Variants in ATP6V0A1 observed in about 807,000 individuals in gnomAD.
The protein encoded by ATP6V0A1 is ATPase H+ transporting V0 subunit a1.
In ATP6V0A1, 43 loss-of-function variants were observed where a neutral mutation model predicts 105.4. The ratio of observed to expected loss-of-function variants is 0.41; its 90% confidence interval spans 0.32 to 0.53. The LOEUF is 0.53. Ranked by LOEUF, ATP6V0A1 falls within the 20% of genes least tolerant of loss-of-function variation. The pLI is 0.30. For missense variants in ATP6V0A1, 676 were observed against 1,051.1 expected (o/e 0.64, Z 4.93); for synonymous variants, 362 against 372.8 (o/e 0.97, Z 0.33).
intron 2 of ATP6V0A1, 81 bp downstream of exon 2, chr17:42,461,092 GT>G: frequency 8.2e-7 from 1 of 1,224,606 alleles, no homozygotes; most frequent in Non-Finnish European, 1.2e-6. Context: ...TGAATGTTTT[GT>G]TTTTTATTTG....
At chr17:42,516,163 C>T (rs996981458) in intron 21 of ATP6V0A1, among the ~76,000 whole-genome samples, 2 of 152,196 alleles carry the variant, frequency 1.3e-5, no homozygotes, top group African/African-American at 4.8e-5. Flanking sequence ...TGTCTCTCTT[C>T]GTTCTCAAAA....
At chr17:42,460,058 G>A (rs2086227537) in intron 1 of ATP6V0A1, 1 of 152,158 alleles carries the variant, frequency 6.6e-6, no homozygotes, top group Non-Finnish European at 1.5e-5. Flanking sequence ...GCACTAAAAC[G>A]AAACCTTTAT....
intron 14 of ATP6V0A1, among the ~76,000 whole-genome samples, chr17:42,497,566 C>T (rs1473056603): frequency 6.0e-5 from 9 of 148,980 alleles, no homozygotes; most frequent in East Asian, 2.0e-4. Flanking sequence ...TCCAGCTACT[C>T]GGGAAGTTGA....
intron 1 of ATP6V0A1, 39 bp from the exon 2 acceptor site, chr17:42,460,809 G>A (rs2086318303): frequency 7.3e-6 from 8 of 1,092,998 alleles, no homozygotes; most frequent in Non-Finnish European, 9.8e-6. Context: ...TAGCCCTCGT[G>A]GTAATTTCCA....
intron 18 of ATP6V0A1, 27 bp from the exon 19 acceptor site, chr17:42,508,545 C>T: frequency 6.2e-7 from 1 of 1,613,988 alleles, no homozygotes; most frequent in South Asian, 1.1e-5. Flanking sequence ...CGTGGCTCCC[C>T]ACTAAGTGTA....
chr17:42,507,448 TCG>T, intron 17 of ATP6V0A1, 70 bp from the exon 18 acceptor site: 1 of 1,082,318 alleles, frequency 9.2e-7, no homozygotes, highest in Admixed American at 2.0e-5. Flanking sequence ...TTACTAACCA[TCG>T]CCCTTCCCAC....
At chr17:42,492,053 T>C (rs1393123773) in intron 11 of ATP6V0A1, among the ~76,000 whole-genome samples, 1 of 152,146 alleles carries the variant, frequency 6.6e-6, no homozygotes, top group African/African-American at 2.4e-5. Context: ...ACACCTCAGA[T>C]CTTGTGTACT....
chr17:42,513,968 C>A lies in ATP6V0A1; in HGVS notation c.2238C>A (p.Leu746=). The A allele has an allele frequency of 1.2e-6, 2 of 1,613,846 alleles. No individual in the cohort carries two copies. Among genetic ancestry groups the A allele is most frequent in the Non-Finnish European group, 1.7e-6 (2 of 1,179,712 alleles). ...ASYLRLWALS[L]AHAQLSEVLW... ...ACTTGCGGCTCTGGGCCCTCAGCCT[C>A]GCTCATGCGCGTGAGTACCTCTCTC... Residue 746 remains leucine (L), a synonymous_variant, in exon 20 of 22, where the codon CTC becomes CTA. Coordinates refer to ENST00000343619, the MANE Select transcript of ATP6V0A1 (RefSeq NM_001130021.3).
Position 42,519,096 on chromosome 17 carries a change from G to A in ATP6V0A1, c.2421-1931G>A, listed in dbSNP as rs374748051. On this transcript the variant is annotated intron_variant, in intron 21 of 21. Coordinates refer to ENST00000343619, the MANE Select transcript of ATP6V0A1 (RefSeq NM_001130021.3). ...TCTCTAAAGCAGCAGCTGGTGGGAG[G>A]GGCAGTATTGGGCAGTATGTCAGGG... The A allele has an allele frequency of 3.3e-5, 5 of 152,308 alleles. No individual in the cohort carries two copies. In the East Asian group the frequency reaches 5.8e-4, roughly 18 times the overall value. 9.4% of individuals were successfully genotyped at this position (152,308 alleles called of 1,614,324 possible). A position where few individuals can be genotyped will look rare whatever the true frequency, so the allele number is the denominator to read the frequency against.
intron 1 of ATP6V0A1, among the ~76,000 whole-genome samples, chr17:42,459,444 T>C (rs1387284050): frequency 6.6e-6 from 1 of 152,240 alleles, no homozygotes; most frequent in African/African-American, 2.4e-5. Flanking sequence ...TTTTGCAGAA[T>C]TGCTGTTTCT....
intron 2 of ATP6V0A1, among the ~76,000 whole-genome samples, chr17:42,464,555 G>A (rs1377417290): frequency 1.3e-5 from 2 of 151,812 alleles, no homozygotes; most frequent in African/African-American, 2.4e-5. Flanking sequence ...GGTGCCCGCT[G>A]CCACTCCCGG....
At chr17:42,477,487 C>G (rs1170617671) in intron 5 of ATP6V0A1, among the ~76,000 whole-genome samples, 173 bp from the exon 6 acceptor site, 7 of 152,102 alleles carry the variant, frequency 4.6e-5, no homozygotes, top group African/African-American at 1.7e-4. Context: ...GTGTTTTCAT[C>G]CCCTATTCTT....
chr17:42,521,618 G>C lies in ATP6V0A1; in HGVS notation c.*498G>C, dbSNP rs1188841897. The C allele has an allele frequency of 6.6e-6, 1 of 152,456 alleles. No homozygotes were observed. The highest frequency in any genetic ancestry group is 1.5e-5 in the Non-Finnish European group (1 of 68,140). 9.4% of individuals were successfully genotyped at this position (152,456 alleles called of 1,614,324 possible). A position where few individuals can be genotyped will look rare whatever the true frequency, so the allele number is the denominator to read the frequency against. On this transcript the variant is annotated 3_prime_UTR_variant, in exon 22 of 22. Transcript: ENST00000343619. The surrounding 1 kb of genome is among the most constrained non-coding windows in gnomAD (Gnocchi z 4.8). ...TCTTGGATTAGCAGGGGTGGGTCCA[G>C]GAAGATGATATTTGCGTCTTTTGCC...
At chr17:42,513,208 C>A (rs938066154) in intron 19 of ATP6V0A1, among the ~76,000 whole-genome samples, 1 of 152,154 alleles carries the variant, frequency 6.6e-6, no homozygotes, top group Non-Finnish European at 1.5e-5. Flanking sequence ...TTGGCCTTAA[C>A]CCATGTGGAA....
chr17:42,513,866 C>T lies in ATP6V0A1; in HGVS notation c.2136C>T (p.Asp712=), dbSNP rs1339106824. Residue 712 remains aspartate (D), a synonymous_variant, in exon 20 of 22, where the codon GAC becomes GAT. Coordinates refer to ENST00000343619, the MANE Select transcript of ATP6V0A1 (RefSeq NM_001130021.3). ...ADEPSEDEVF[D]FGDTMVHQAI... is the part of the protein sequence containing the mutation. Reference sequence around the variant, plus strand: ...CTGGTTTCCTCCCACGACAGTTTGACTTTGGGGACACCATGGTCCACCAGG... The same window carrying T: ...CTGGTTTCCTCCCACGACAGTTTGATTTTGGGGACACCATGGTCCACCAGG... 6.2e-7 allele frequency: 1 copy of T among 1,613,968 alleles called. No individual in the cohort carries two copies. Among genetic ancestry groups the T allele is most frequent in the Non-Finnish European group, 8.5e-7 (1 of 1,179,822 alleles).
intron 14 of ATP6V0A1, chr17:42,496,282 C>G (rs566783239): frequency 6.6e-6 from 1 of 152,038 alleles, no homozygotes; most frequent in East Asian, 1.9e-4. Flanking sequence ...TTTCAAGACT[C>G]CTTCCCATTT....
chr17:42,469,067 C>T (rs377286108), intron 4 of ATP6V0A1, among the ~76,000 whole-genome samples: 1 of 151,940 alleles, frequency 6.6e-6, no homozygotes, highest in African/African-American at 2.4e-5. Context: ...AGCTTGATCT[C>T]GAACTCCTAA....
At chr17:42,460,731 T>C (rs1199519886) in intron 1 of ATP6V0A1, 117 bp from the exon 2 acceptor site, 1 of 583,418 alleles carries the variant, frequency 1.7e-6, no homozygotes, top group Non-Finnish European at 3.1e-6. Flanking sequence ...CAAAAACAGT[T>C]GTTGACCTGT....
At chr17:42,488,869 G>T (rs2090359924) in intron 10 of ATP6V0A1, among the ~76,000 whole-genome samples, 1 of 151,642 alleles carries the variant, frequency 6.6e-6, no homozygotes, top group African/African-American at 2.4e-5. Context: ...AAAAAAGTTA[G>T]CCAGGTATGG....
Sources: allele counts gnomAD v4.1 joint callset (sites outside exome capture counted in the v4.1 genomes callset), GRCh38; gene constraint gnomAD v4.1.1; non-coding constraint Gnocchi (gnomAD v3.1); transcripts MANE v1.5; gene names NCBI Gene and HGNC (gene_info 2026-07-23, HGNC 2026-07-21).